Variants in VPS52 observed in about 807,000 individuals in gnomAD.
VPS52 encodes vacuolar protein sorting-associated protein 52 homolog.
In VPS52, 56 loss-of-function variants were observed where a neutral mutation model predicts 98.7. The observed-to-expected ratio is 0.57, with a 90% CI of 0.46 to 0.71. The LOEUF (loss-of-function observed/expected upper bound fraction) is 0.71, where lower values mean the gene tolerates loss of function less well. VPS52 is among the 30% of genes least tolerant of loss of function. The pLI is 0.00. For synonymous variants in VPS52, 348 were observed against 346.4 expected, an observed-to-expected ratio of 1.00 and a Z score of -0.05; for missense variants, 742 against 925.9, an observed-to-expected ratio of 0.80 and a Z score of 2.58.
intron 17 of VPS52, among the ~76,000 whole-genome samples, chr6:33,261,151 G>A (rs1392603551): frequency 6.6e-6 from 1 of 152,036 alleles, no homozygotes; most frequent in African/African-American, 2.4e-5. Flanking sequence ...TGGTAAAAGT[G>A]CCAAGAACAT....
chr6:33,268,233 G>T lies in VPS52; in HGVS notation c.700-25C>A, dbSNP rs1764579897. 1.9e-6 allele frequency: 3 copies of T among 1,610,366 alleles called. No individual in the cohort carries two copies. In the Admixed American group the frequency reaches 5.0e-5, roughly 27 times the overall value. On this transcript the variant is annotated intron_variant, in intron 7 of 19. Transcript: ENST00000445902. This position sits in a 1 kb window ranked among gnomAD's most constrained non-coding sequence, Gnocchi z 4.0. ...CCTAGATGTGGGGAACCAAACACAG[G>T]GCATGAAGCTGCAACCCTTTTGCTG...
intron 17 of VPS52, among the ~76,000 whole-genome samples, chr6:33,253,331 A>G (rs1045395894): frequency 6.6e-6 from 1 of 151,994 alleles, no homozygotes; most frequent in Non-Finnish European, 1.5e-5. Context: ...CTCTACTAAA[A>G]ATACAAAAAT....
Position 33,264,392 on chromosome 6 carries a change from C to T in VPS52, c.1506G>A (p.Leu502=). The T allele has an allele frequency of 6.2e-7, 1 of 1,614,110 alleles. No homozygotes were observed. Among genetic ancestry groups the T allele is most frequent in the Non-Finnish European group, 8.5e-7 (1 of 1,180,006 alleles). ...RSTDPQRLGG[L]DTRPHYITRR... ...CCCTCACATAGTGGGGCCGAGTATC[C>T]AACCCCCCTAGGCGCTGGGGGTCAG... is the stretch of plus-strand genomic sequence containing the variant. Residue 502 remains leucine (L), a synonymous_variant, in exon 14 of 20, where the codon TTG becomes TTA. Transcript: ENST00000445902.
At chr6:33,256,358 G>T (rs983396564) in intron 17 of VPS52, among the ~76,000 whole-genome samples, 2 of 149,466 alleles carry the variant, frequency 1.3e-5, no homozygotes, top group Non-Finnish European at 3.0e-5. Context: ...CTAGCTACTC[G>T]GGAGGCTGAG....
At position 33,250,748 on chromosome 6, in the gene VPS52, A is replaced by C. The variant is rs1351070942; in HGVS notation, c.*93T>G. 2 of 1,518,970 alleles carry C rather than the reference A, an allele frequency of 1.3e-6. No homozygotes were observed. The highest frequency in any genetic ancestry group is 2.8e-5 in the African/African-American group (2 of 71,900). 94.1% of individuals were successfully genotyped at this position (1,518,970 alleles called of 1,614,324 possible). Reference sequence around the variant, plus strand: ...CAAGGGCCTGGGAAGCAAGGGGAAAACTGGAAGGGGTACCCCAGGTGAAGA... The same window carrying C: ...CAAGGGCCTGGGAAGCAAGGGGAAACCTGGAAGGGGTACCCCAGGTGAAGA... On this transcript the variant is annotated 3_prime_UTR_variant, in exon 20 of 20. Transcript: ENST00000445902.
intron 5 of VPS52, 53 bp from the exon 6 acceptor site, chr6:33,269,242 T>G (rs975326767): frequency 8.7e-6 from 14 of 1,601,612 alleles, no homozygotes; most frequent in Non-Finnish European, 1.2e-5. Flanking sequence ...AGGGGATAAG[T>G]GGGCCACCAA....
intron 17 of VPS52, among the ~76,000 whole-genome samples, chr6:33,256,868 A>G (rs1763049533): frequency 1.3e-5 from 2 of 151,166 alleles, no homozygotes; most frequent in Admixed American, 1.3e-4. Flanking sequence ...AAAGAAAAAA[A>G]AAGAAAAGAA....
chr6:33,255,462 C>CTTT (rs9280383), intron 17 of VPS52, among the ~76,000 whole-genome samples: 22 of 117,218 alleles, frequency 1.9e-4, no homozygotes, highest in African/African-American at 6.5e-4. Flanking sequence ...CTACGCCTGG[C>CTTT]TTTTTTTTTT....
intron 17 of VPS52, 112 bp from the exon 18 acceptor site, chr6:33,252,083 AAAGTT>A: frequency 1.2e-6 from 1 of 825,806 alleles, no homozygotes; most frequent in Admixed American, 2.5e-5. Flanking sequence ...AGCTGCTGCA[AAAGTT>A]AAGGAAAATC....
Position 33,268,951 on chromosome 6 carries a change from G to C in VPS52, c.548+63C>G. The C allele has an allele frequency of 2.5e-6, 4 of 1,579,250 alleles. No homozygotes were observed. In the South Asian group the frequency reaches 4.6e-5, roughly 18 times the overall value. Reference sequence around the variant, plus strand: ...GCCAGGAGACCCATATGGTAAATAGGGTGGGTCACCCCAGCCCATCCACCT... The same window carrying C: ...GCCAGGAGACCCATATGGTAAATAGCGTGGGTCACCCCAGCCCATCCACCT... On this transcript the variant is annotated intron_variant, in intron 6 of 19. Coordinates refer to ENST00000445902, the MANE Select transcript of VPS52 (RefSeq NM_022553.6). This position sits in a 1 kb window ranked among gnomAD's most constrained non-coding sequence, Gnocchi z 4.0.
In VPS52 at chr6:33,264,497, C is replaced by T; in HGVS notation, c.1401G>A (p.Arg467=). ...GCAAGGCAAGCACCTGTTCCCAGTA[C>T]CTGTGGGCTTAATCAGAATCAGAGG... ...AAKRDVPALD[R]YWEQVLALLW... is the part of the protein sequence containing the mutation. The change falls in exon 14 of 20, where the codon AGG becomes AGA. Residue 467 remains arginine, a splice_region_variant and synonymous_variant. Coordinates refer to ENST00000445902, the MANE Select transcript of VPS52 (RefSeq NM_022553.6). 1 of 1,614,004 alleles carries T rather than the reference C, an allele frequency of 6.2e-7. No homozygotes were observed. Among genetic ancestry groups the T allele is most frequent in the Non-Finnish European group, 8.5e-7 (1 of 1,179,976 alleles).
intron 12 of VPS52, 66 bp downstream of exon 12, chr6:33,266,491 C>A: frequency 2.0e-6 from 3 of 1,483,386 alleles, no homozygotes; most frequent in Non-Finnish European, 2.7e-6. Context: ...GAGTCATGAC[C>A]CCACTATGCT....
At chr6:33,251,829 T>C (rs930296813) in intron 18 of VPS52, 31 bp downstream of exon 18, 7 of 1,605,886 alleles carry the variant, frequency 4.4e-6, no homozygotes, top group Non-Finnish European at 4.3e-6. Context: ...CCCTTACCAC[T>C]GATCCCATCA....
intron 17 of VPS52, among the ~76,000 whole-genome samples, chr6:33,256,861 GAAAAAA>G (rs1286216066): frequency 7.8e-6 from 1 of 128,346 alleles, no homozygotes; most frequent in Admixed American, 7.5e-5. Context: ...AAAAAGAAAA[GAAAAAA>G]AAAGAAAAGA....
rs9280385 is a variant in VPS52 at position 33,256,463 on chromosome 6, C to CAAAAAAAAA, written c.1795-4501_1795-4493dup. On this transcript the variant is annotated intron_variant, in intron 17 of 19. Transcript: ENST00000445902. Reference sequence around the variant, plus strand: ...CTGAGTGACAGAGCAAAACCTGTCTCAAAAAAAAAAAAAAAAAAAAAAAAA... The same window carrying CAAAAAAAAA: ...CTGAGTGACAGAGCAAAACCTGTCTCAAAAAAAAAAAAAAAAAAAAAAAAAAAAAAAAAA... Among the ~76,000 whole-genome samples the CAAAAAAAAA allele has an allele frequency of 9.1e-4, 76 of 83,728 alleles. 4 individuals carry two copies. Among genetic ancestry groups the CAAAAAAAAA allele is most frequent in the Non-Finnish European group, 1.4e-3 (60 of 43,366 alleles). The allele number at this position is 83,728 out of a possible 152,430, so 54.9% of individuals were successfully genotyped here. A position where few individuals can be genotyped will look rare whatever the true frequency, so the allele number is the denominator to read the frequency against.
chr6:33,250,813 G>A lies in VPS52; in HGVS notation c.*28C>T, dbSNP rs761556128. The A allele has an allele frequency of 4.4e-6, 7 of 1,602,660 alleles. No homozygotes were observed. The East Asian group carries it at 1.3e-4, about 31-fold the overall frequency. ...GGTGCAGAAGTCCATGGAGATGACC[G>A]GCAGATCTCAGGGCGGTTTCTGGCA... is the stretch of plus-strand genomic sequence containing the variant. On this transcript the variant is annotated 3_prime_UTR_variant, in exon 20 of 20. Coordinates refer to ENST00000445902, the MANE Select transcript of VPS52 (RefSeq NM_022553.6).
intron 17 of VPS52, among the ~76,000 whole-genome samples, chr6:33,259,855 G>A (rs1349192973): frequency 1.3e-5 from 2 of 151,832 alleles, no homozygotes; most frequent in African/African-American, 2.4e-5. Flanking sequence ...CTTACATATT[G>A]CTGGTGAGAA....
chr6:33,263,990 C>A lies in VPS52; in HGVS notation c.1620+18G>T, dbSNP rs780301860. On this transcript the variant is annotated intron_variant, in intron 15 of 19. Coordinates refer to ENST00000445902, the MANE Select transcript of VPS52 (RefSeq NM_022553.6). ...AAGCAGCCCTGCTGCTGGGAAGTGT[C>A]TCCTGTCCGACCCTCACCTGCAGCT... 3 of 1,614,226 alleles carry A rather than the reference C, an allele frequency of 1.9e-6. No individual in the cohort carries two copies. Among genetic ancestry groups the A allele is most frequent in the Non-Finnish European group, 2.5e-6 (3 of 1,180,024 alleles).
At position 33,267,935 on chromosome 6, in the gene VPS52, T is replaced by C; in HGVS notation, c.863A>G (p.Tyr288Cys). The change falls in exon 9 of 20, where the codon TAT becomes TGT. Residue 288 changes from tyrosine to cysteine, a missense_variant. Tyr to Cys is a radical substitution (Grantham distance 194). Coordinates refer to ENST00000445902, the MANE Select transcript of VPS52 (RefSeq NM_022553.6). The surrounding 1 kb of genome is among the most constrained non-coding windows in gnomAD (Gnocchi z 4.2). ...RATAKEIRDE[Y>C]VETLSKIYLS... ...GTAAATCTTGCTCAGCGTCTCCACATATTCATCCCTGATCTCCTTTGCTGT... is the reference window on the plus strand; with the variant it reads ...GTAAATCTTGCTCAGCGTCTCCACACATTCATCCCTGATCTCCTTTGCTGT... 3.1e-6 allele frequency: 5 copies of C among 1,613,082 alleles called. No homozygotes were observed. Among genetic ancestry groups the C allele is most frequent in the Non-Finnish European group, 4.2e-6 (5 of 1,180,028 alleles).
Sources: gnomAD v4.1 joint callset for allele counts (sites outside exome capture counted in the v4.1 genomes callset) on GRCh38, gnomAD v4.1.1 for gene constraint, Gnocchi (gnomAD v3.1) non-coding constraint, MANE v1.5 for transcripts, NCBI Gene and HGNC (gene_info 2026-07-23, HGNC 2026-07-21) for gene names.